NXN: variants seen among roughly 807,000 people sequenced by gnomAD.
NXN encodes the protein nucleoredoxin 1.
A neutral mutation model predicts 48.6 loss-of-function variants in NXN; 16 were observed. The observed-to-expected ratio is 0.33, with a 90% CI of 0.22 to 0.50. The LOEUF (loss-of-function observed/expected upper bound fraction) is 0.50, where lower values mean the gene tolerates loss of function less well. Among genes scored for constraint, NXN ranks in the 20% least tolerant of loss-of-function variants. The pLI, the probability that NXN is intolerant of heterozygous loss-of-function variation, is 0.98. For synonymous variants in NXN, 281 were observed against 269.6 expected (o/e 1.04, Z -0.41); for missense variants, 492 against 605.5 (o/e 0.81, Z 1.97).
rs1567827427 is a variant in NXN, at chr17:841,429, C to T, written c.361-15351G>A. Among the ~76,000 whole-genome samples the T allele has an allele frequency of 1.9e-4, 23 of 119,876 alleles. 1 individual carries two copies. Among genetic ancestry groups the T allele is most frequent in the South Asian group, 1.1e-3 (4 of 3,622 alleles). 78.6% of individuals were successfully genotyped at this position (119,876 alleles called of 152,430 possible). On this transcript the variant is annotated intron_variant, in intron 1 of 7. Coordinates refer to ENST00000336868, the MANE Select transcript of NXN (RefSeq NM_022463.5). ...TCCCCCCTGACCACGGCGCATCTCA[C>T]ACGGGCGAGCAGGTCCCCCTGACCA...
intron 1 of NXN, among the ~76,000 whole-genome samples, chr17:939,069 A>C (rs1413290056): frequency 1.3e-5 from 2 of 152,168 alleles, no homozygotes; most frequent in Admixed American, 6.5e-5. Context: ...AAAAGAAAGA[A>C]AGAAAAGAAC....
intron 5 of NXN, among the ~76,000 whole-genome samples, chr17:808,356 G>A (rs982462284): frequency 6.6e-6 from 1 of 150,874 alleles, no homozygotes; most frequent in African/African-American, 2.4e-5. Context: ...AGGCTGGAGT[G>A]CAGTGGCGCG....
chr17:957,415 T>C (rs1009238927), intron 1 of NXN, among the ~76,000 whole-genome samples: 7 of 151,920 alleles, frequency 4.6e-5, no homozygotes, highest in South Asian at 2.1e-4. Flanking sequence ...GGGTGGATCA[T>C]GAGGTCAGGA....
intron 1 of NXN, among the ~76,000 whole-genome samples, chr17:944,936 A>G (rs12936197): frequency 0.72 from 108,544 of 151,716 alleles, 39,563 homozygotes; most frequent in Middle Eastern, 0.82. Context: ...CACACCGAGA[A>G]GAGAAAACTG....
rs576529916 is a variant in NXN, at chr17:885,923, C to T, written c.361-59845G>A. 1.1e-3 allele frequency among the ~76,000 whole-genome samples: 164 copies of T among 151,866 alleles called. 1 individual carries two copies. The highest frequency in any genetic ancestry group is 3.7e-3 in the African/African-American group (155 of 41,410). On this transcript the variant is annotated intron_variant, in intron 1 of 7. Transcript: ENST00000336868. Reference sequence around the variant, plus strand: ...CAGGATGGTCTCGATCTCCTGACCTCGTGATCCGCCCGCCTCGGCCTCCCA... The same window carrying T: ...CAGGATGGTCTCGATCTCCTGACCTTGTGATCCGCCCGCCTCGGCCTCCCA...
intron 1 of NXN, among the ~76,000 whole-genome samples, chr17:856,647 T>A (rs1375661729): frequency 6.6e-6 from 1 of 151,832 alleles, no homozygotes; most frequent in Admixed American, 6.6e-5. Context: ...CCCACCACCA[T>A]GCTCAGCTAA....
chr17:799,458 A>T lies in NXN; in HGVS notation c.*1491T>A, dbSNP rs1352516814. The T allele has an allele frequency of 6.6e-6, 1 of 152,292 alleles. No individual in the cohort carries two copies. The allele number at this position is 152,292 out of a possible 1,614,324, so 9.4% of individuals were successfully genotyped here. On this transcript the variant is annotated 3_prime_UTR_variant, in exon 8 of 8. Coordinates refer to ENST00000336868, the MANE Select transcript of NXN (RefSeq NM_022463.5). Reference sequence around the variant, plus strand: ...TTGTACGCCTCTGAACTACAAGTCAACAATCCAATTCAGCAAGGAACAACA... The same window carrying T: ...TTGTACGCCTCTGAACTACAAGTCATCAATCCAATTCAGCAAGGAACAACA...
At chr17:954,645 G>A (rs1445987539) in intron 1 of NXN, among the ~76,000 whole-genome samples, 2 of 152,226 alleles carry the variant, frequency 1.3e-5, no homozygotes, top group East Asian at 3.9e-4. Context: ...CAGGTGCTCA[G>A]GTCGCAGCTG....
intron 1 of NXN, among the ~76,000 whole-genome samples, chr17:915,360 T>G (rs891451841): frequency 6.6e-6 from 1 of 152,182 alleles, no homozygotes; most frequent in Non-Finnish European, 1.5e-5. Context: ...CTCGGCTCAC[T>G]GCAACCTCCA....
intron 1 of NXN, among the ~76,000 whole-genome samples, chr17:940,414 G>C (rs2068958297): frequency 6.6e-6 from 1 of 152,126 alleles, no homozygotes; most frequent in East Asian, 1.9e-4. Flanking sequence ...TTTTAAAAGA[G>C]GAAACTATCC....
intron 6 of NXN, 100 bp from the exon 7 acceptor site, chr17:803,906 G>A (rs1911341591): frequency 1.0e-5 from 15 of 1,490,264 alleles, no homozygotes; most frequent in East Asian, 2.3e-5. Context: ...AGAAACGCCC[G>A]CCTGAGCGGC....
chr17:957,176 A>C (rs1218624571), intron 1 of NXN, among the ~76,000 whole-genome samples: 2 of 152,154 alleles, frequency 1.3e-5, no homozygotes, highest in Non-Finnish European at 2.9e-5. Flanking sequence ...ATATGAGCAC[A>C]TACGATGAAA....
intron 1 of NXN, among the ~76,000 whole-genome samples, chr17:930,619 G>A (rs930684208): frequency 9.2e-5 from 14 of 152,108 alleles, no homozygotes; most frequent in Admixed American, 4.6e-4. Flanking sequence ...AGGAAGTGCA[G>A]GAGACCTGAT....
At chr17:852,563 C>T (rs2067935375) in intron 1 of NXN, among the ~76,000 whole-genome samples, 1 of 152,196 alleles carries the variant, frequency 6.6e-6, no homozygotes, top group Non-Finnish European at 1.5e-5. Flanking sequence ...TCCTTTCCAG[C>T]TCCCAGAGCT....
chr17:880,933 G>A (rs2068277197), intron 1 of NXN, among the ~76,000 whole-genome samples: 1 of 152,140 alleles, frequency 6.6e-6, no homozygotes, highest in Non-Finnish European at 1.5e-5. Context: ...GCTCCAAGGG[G>A]CTGACTGGTT....
chr17:889,761 A>AAGAAAGAGAAAGAAAG (rs1555619043), intron 1 of NXN, among the ~76,000 whole-genome samples: 17 of 70,828 alleles, frequency 2.4e-4, no homozygotes, highest in African/African-American at 7.1e-4. Flanking sequence ...GAAAGAAAGA[A>AAGAAAGAGAAAGAAAG]AAAGAAAGAA....
intron 1 of NXN, among the ~76,000 whole-genome samples, chr17:866,778 T>C (rs1184054351): frequency 1.3e-5 from 2 of 152,244 alleles, no homozygotes; most frequent in East Asian, 1.9e-4. Context: ...ATTAAACTGC[T>C]AGATGTGGAC....
chr17:958,427 G>A lies in NXN; in HGVS notation c.360+20892C>T, dbSNP rs931111141. On this transcript the variant is annotated intron_variant, in intron 1 of 7. Transcript: ENST00000336868. The surrounding 1 kb of genome is among the most constrained non-coding windows in gnomAD (Gnocchi z 6.9). ...CTGGGAAGGCTGAAACAGGAGGATC[G>A]CTTGAGGCCAGGCGTTCAAAACCAG... 3.9e-5 allele frequency among the ~76,000 whole-genome samples: 6 copies of A among 152,190 alleles called. No homozygotes were observed. Among genetic ancestry groups the A allele is most frequent in the African/African-American group, 9.6e-5 (4 of 41,454 alleles).
intron 1 of NXN, among the ~76,000 whole-genome samples, chr17:892,854 T>C (rs2068438155): frequency 6.6e-6 from 1 of 152,120 alleles, no homozygotes; most frequent in Non-Finnish European, 1.5e-5. Context: ...ACACAAACAA[T>C]AAACCCTAAG....
Sources: gnomAD v4.1 joint callset for allele counts (sites outside exome capture counted in the v4.1 genomes callset) on GRCh38, gnomAD v4.1.1 for gene constraint, Gnocchi (gnomAD v3.1) non-coding constraint, MANE v1.5 for transcripts, NCBI Gene and HGNC (gene_info 2026-07-23, HGNC 2026-07-21) for gene names.